The following SMKR1 variants were observed in gnomAD, a reference collection of about 807,000 sequenced individuals.
The protein encoded by SMKR1 is small lysine-rich protein 1.
A neutral mutation model predicts 4.0 loss-of-function variants in SMKR1; 4 were observed. The ratio of observed to expected loss-of-function variants is 1.00; its 90% CI spans 0.49 to 2.30. SMKR1 has a LOEUF of 2.30. Ranked by LOEUF, SMKR1 falls within the 30% of genes most tolerant of loss-of-function variation. The probability of loss-of-function intolerance (pLI) is 0.02; values close to 1 mark genes in which losing one functional copy is unlikely to be tolerated. For synonymous variants in SMKR1, 38 were observed against 32.5 expected, an observed-to-expected ratio of 1.17 and a Z score of -0.58; for missense variants, 56 against 81.8, an observed-to-expected ratio of 0.68 and a Z score of 1.22.
At chr7:129,505,417 G>C (rs1044737707) in intron 1 of SMKR1, among the ~76,000 whole-genome samples, 1 of 151,778 alleles carries the variant, frequency 6.6e-6, no homozygotes, top group African/African-American at 2.4e-5. Context: ...TAAATTATAT[G>C]GTCACTCCAG....
chr7:129,506,237 C>G (rs751613153), intron 1 of SMKR1, among the ~76,000 whole-genome samples: 2 of 152,024 alleles, frequency 1.3e-5, no homozygotes, highest in African/African-American at 4.8e-5. Context: ...CTCAGGAGTT[C>G]GAGACCTGCT....
Position 129,512,533 on chromosome 7 carries a change from C to T in SMKR1, c.*92C>T. ...ACTGTTGCCAGCAACATAGACTTTA[C>T]TCCAGACGACTTGAGATGCAAATTA... is the stretch of plus-strand genomic sequence containing the variant. On this transcript the variant is annotated 3_prime_UTR_variant, in exon 2 of 2. Transcript: ENST00000462322. The T allele has an allele frequency of 8.1e-7, 1 of 1,240,706 alleles. No homozygotes were observed. The highest frequency in any genetic ancestry group is 2.8e-5 in the East Asian group (1 of 36,094). 76.9% of individuals were successfully genotyped at this position (1,240,706 alleles called of 1,614,324 possible).
At chr7:129,511,422 A>C (rs886383936) in intron 1 of SMKR1, among the ~76,000 whole-genome samples, 3 of 152,142 alleles carry the variant, frequency 2.0e-5, no homozygotes, top group East Asian at 1.9e-4. Context: ...CTTTCATTTC[A>C]TCCCTACAGA....
intron 1 of SMKR1, among the ~76,000 whole-genome samples, chr7:129,505,569 C>T (rs1056845914): frequency 6.6e-6 from 1 of 151,914 alleles, no homozygotes. Flanking sequence ...ACCTCCGCCT[C>T]CCCGGTTCAA....
At chr7:129,506,864 CTTT>C (rs149799446) in intron 1 of SMKR1, among the ~76,000 whole-genome samples, 3 of 132,248 alleles carry the variant, frequency 2.3e-5, no homozygotes. Flanking sequence ...TCTTTCTTTT[CTTT>C]TTTTTTTTTT....
intron 1 of SMKR1, among the ~76,000 whole-genome samples, chr7:129,506,523 T>C (rs912905295): frequency 2.6e-5 from 4 of 152,160 alleles, no homozygotes; most frequent in African/African-American, 9.7e-5. Context: ...ACAATCAAGA[T>C]TGTAAATACA....
At chr7:129,509,320 TAAAAAA>T (rs1243840547) in intron 1 of SMKR1, among the ~76,000 whole-genome samples, 1 of 151,840 alleles carries the variant, frequency 6.6e-6, no homozygotes, top group East Asian at 1.9e-4. Context: ...TTTCAAAAAA[TAAAAAA>T]GAAAGAAAAT....
intron 1 of SMKR1, among the ~76,000 whole-genome samples, chr7:129,510,591 G>C (rs1158727450): frequency 6.6e-6 from 1 of 152,138 alleles, no homozygotes; most frequent in Non-Finnish European, 1.5e-5. Context: ...AGCCAGAAAT[G>C]GTGGCTAATG....
intron 1 of SMKR1, among the ~76,000 whole-genome samples, chr7:129,509,829 G>A (rs1047974810): frequency 2.6e-5 from 4 of 152,138 alleles, no homozygotes; most frequent in Non-Finnish European, 5.9e-5. Context: ...GTGAGCCAGC[G>A]CGCCCGGCCT....
intron 1 of SMKR1, among the ~76,000 whole-genome samples, chr7:129,510,564 T>C (rs1430348497): frequency 6.6e-6 from 1 of 152,166 alleles, no homozygotes; most frequent in East Asian, 1.9e-4. Context: ...CGAGACTGTC[T>C]CTACCAAAAA....
In SMKR1 at chr7:129,502,673, T is replaced by G; in HGVS notation, c.-152T>G. The G allele has an allele frequency of 8.6e-7, 1 of 1,158,830 alleles. No homozygotes were observed. Among genetic ancestry groups the G allele is most frequent in the Non-Finnish European group, 1.2e-6 (1 of 842,778 alleles). 71.8% of individuals were successfully genotyped at this position (1,158,830 alleles called of 1,614,324 possible). A position where few individuals can be genotyped will look rare whatever the true frequency, so the allele number is the denominator to read the frequency against. On this transcript the variant is annotated 5_prime_UTR_variant, in exon 1 of 2. Transcript: ENST00000462322. Reference sequence around the variant, plus strand: ...AGCGAGGCGTGGCGGGGAGGCGTAGTGAGGCTGGGCCCGTGGCGGTTCCCT... The same window carrying G: ...AGCGAGGCGTGGCGGGGAGGCGTAGGGAGGCTGGGCCCGTGGCGGTTCCCT...
At chr7:129,510,375 A>C (rs1454987267) in intron 1 of SMKR1, among the ~76,000 whole-genome samples, 1 of 152,218 alleles carries the variant, frequency 6.6e-6, no homozygotes, top group Non-Finnish European at 1.5e-5. Context: ...CTGAGCCCCT[A>C]CATTTCCATT....
intron 1 of SMKR1, among the ~76,000 whole-genome samples, chr7:129,505,406 A>G (rs1020333573): frequency 6.6e-6 from 1 of 151,960 alleles, no homozygotes; most frequent in African/African-American, 2.4e-5. Context: ...GATTTGGGCA[A>G]TAAATTATAT....
intron 1 of SMKR1, 76 bp from the exon 2 acceptor site, chr7:129,512,171 T>G: frequency 7.2e-7 from 1 of 1,380,618 alleles, no homozygotes; most frequent in South Asian, 1.5e-5. Context: ...GTGTTGGGAG[T>G]GAAACCCTGT....
chr7:129,505,645 A>AT (rs571321375), intron 1 of SMKR1, among the ~76,000 whole-genome samples: 8 of 151,536 alleles, frequency 5.3e-5, no homozygotes, highest in South Asian at 2.1e-4. Flanking sequence ...TGCCTGGCTA[A>AT]TTTTTTTTGT....
intron 1 of SMKR1, among the ~76,000 whole-genome samples, chr7:129,510,939 G>T (rs1413433361): frequency 6.6e-6 from 1 of 152,156 alleles, no homozygotes; most frequent in African/African-American, 2.4e-5. Flanking sequence ...CTCCTGAGCA[G>T]CTGGGATTAC....
At chr7:129,509,139 C>T (rs1323331962) in intron 1 of SMKR1, among the ~76,000 whole-genome samples, 1 of 151,968 alleles carries the variant, frequency 6.6e-6, no homozygotes, top group Non-Finnish European at 1.5e-5. Flanking sequence ...ATGGCGAAAC[C>T]CCGTCTCTAC....
At chr7:129,511,925 G>A (rs1799530160) in intron 1 of SMKR1, among the ~76,000 whole-genome samples, 1 of 152,136 alleles carries the variant, frequency 6.6e-6, no homozygotes, top group Admixed American at 6.6e-5. Flanking sequence ...GCTCACACCT[G>A]TAATCCCAGC....
At chr7:129,505,754 C>T (rs1799458771) in intron 1 of SMKR1, among the ~76,000 whole-genome samples, 2 of 152,124 alleles carry the variant, frequency 1.3e-5, no homozygotes, top group South Asian at 4.1e-4. Flanking sequence ...AGTGCTGAGC[C>T]ACTGTGAGCC....
Sources: allele counts gnomAD v4.1 joint callset (sites outside exome capture counted in the v4.1 genomes callset), GRCh38; gene constraint gnomAD v4.1.1; transcripts MANE v1.5; gene names NCBI Gene and HGNC (gene_info 2026-07-23, HGNC 2026-07-21).